PRDM16: variants seen among roughly 807,000 people sequenced by gnomAD.
PRDM16 encodes histone-lysine N-methyltransferase PRDM16.
In PRDM16, 23 loss-of-function variants were observed where a neutral mutation model predicts 110.6. That is an observed-to-expected ratio of 0.21 (90% CI 0.15 to 0.29). PRDM16 has a LOEUF of 0.29. PRDM16 is among the 10% of genes least tolerant of loss of function. The pLI is 1.00. For missense variants in PRDM16, 1,615 were observed against 1,794.3 expected (o/e 0.90, Z 1.81); for synonymous variants, 799 against 781.8 (o/e 1.02, Z -0.37).
chr1:3,234,993 G>C (rs1639506269), intron 2 of PRDM16, among the ~76,000 whole-genome samples: 1 of 152,222 alleles, frequency 6.6e-6, no homozygotes, highest in Non-Finnish European at 1.5e-5. Flanking sequence ...TGAGTGGGTT[G>C]GGTCAAGGTC....
intron 2 of PRDM16, among the ~76,000 whole-genome samples, chr1:3,229,552 C>T (rs913010735): frequency 6.6e-6 from 1 of 152,240 alleles, no homozygotes; most frequent in Non-Finnish European, 1.5e-5. Context: ...TCAGGGCCTC[C>T]AAGCCACAGG....
At chr1:3,426,510 G>A (rs960361497) in intron 14 of PRDM16, among the ~76,000 whole-genome samples, 6 of 152,126 alleles carry the variant, frequency 3.9e-5, no homozygotes, top group Non-Finnish European at 7.4e-5. Context: ...CCAGGTGACC[G>A]AGCCGGGCAC....
At chr1:3,377,377 G>A (rs981686390) in intron 3 of PRDM16, among the ~76,000 whole-genome samples, 2 of 152,220 alleles carry the variant, frequency 1.3e-5, no homozygotes, top group Admixed American at 6.5e-5. Flanking sequence ...CACCCTGGAC[G>A]GGGCCGGCGG....
intron 3 of PRDM16, among the ~76,000 whole-genome samples, chr1:3,335,116 C>G (rs985605445): frequency 1.3e-5 from 2 of 152,178 alleles, no homozygotes; most frequent in East Asian, 3.9e-4. Context: ...TGAGAGAACT[C>G]GCTTCAAGGC....
chr1:3,287,165 T>G (rs900578036), intron 3 of PRDM16, among the ~76,000 whole-genome samples: 3 of 152,200 alleles, frequency 2.0e-5, no homozygotes, highest in Non-Finnish European at 4.4e-5. Context: ...CCTGGACGCT[T>G]GATGTTGAAA....
chr1:3,421,517 T>C (rs1239326659), intron 12 of PRDM16, among the ~76,000 whole-genome samples: 1 of 152,192 alleles, frequency 6.6e-6, no homozygotes, highest in Non-Finnish European at 1.5e-5. Flanking sequence ...AGAACTCTGC[T>C]CCCTCGCAGC....
At chr1:3,396,869 T>C (rs574250536) in intron 5 of PRDM16, among the ~76,000 whole-genome samples, 3 of 152,250 alleles carry the variant, frequency 2.0e-5, no homozygotes, top group Non-Finnish European at 4.4e-5. Context: ...CTTCGGGCAG[T>C]GGGCAAACTG....
chr1:3,388,785 A>C (rs138421544), intron 4 of PRDM16, among the ~76,000 whole-genome samples: 142 of 152,308 alleles, frequency 9.3e-4, no homozygotes, highest in Middle Eastern at 3.4e-3. Context: ...CTTTAGGGGC[A>C]CTTTGGAGGC....
At chr1:3,110,874 G>A (rs1424491868) in intron 1 of PRDM16, among the ~76,000 whole-genome samples, 1 of 152,176 alleles carries the variant, frequency 6.6e-6, no homozygotes, top group Admixed American at 6.5e-5. Flanking sequence ...CTTGGGATAA[G>A]AACAGTTGCC....
At chr1:3,333,761 C>T (rs1055455213) in intron 3 of PRDM16, among the ~76,000 whole-genome samples, 6 of 152,160 alleles carry the variant, frequency 3.9e-5, no homozygotes, top group Admixed American at 3.3e-4. Flanking sequence ...GAAGGTTTGG[C>T]TCCATCCCCT....
At chr1:3,393,850 G>A (rs1336772004) in intron 4 of PRDM16, among the ~76,000 whole-genome samples, 1 of 151,452 alleles carries the variant, frequency 6.6e-6, no homozygotes, top group African/African-American at 2.4e-5. Context: ...GGGGACCCCC[G>A]CCCCCGCCCC....
chr1:3,096,736 G>A (rs1259147132), intron 1 of PRDM16, among the ~76,000 whole-genome samples: 1 of 152,170 alleles, frequency 6.6e-6, no homozygotes, highest in Non-Finnish European at 1.5e-5. Context: ...TGGATGGTGA[G>A]TGGGCCCTCT....
In PRDM16 at chr1:3,396,577, G is replaced by A. The variant is rs1407612029; in HGVS notation, c.660G>A (p.Val220=). Residue 220 remains valine, a synonymous_variant, in exon 5 of 17, where the codon GTG becomes GTA. Coordinates refer to ENST00000270722, the MANE Select transcript of PRDM16 (RefSeq NM_022114.4). ...VKEGVYPLGT[V]PPGLDEEPTF... is the part of the protein sequence containing the mutation. ...AAGGCGTCTACCCCCTGGGCACAGT[G>A]CCGCCCGGCCTGGACGGTAAGACCC... The A allele has an allele frequency of 6.3e-7, 1 of 1,588,854 alleles. No homozygotes were observed. Among genetic ancestry groups the A allele is most frequent in the Admixed American group, 1.7e-5 (1 of 57,518 alleles).
chr1:3,248,931 T>C (rs912877074), intron 3 of PRDM16, among the ~76,000 whole-genome samples: 1 of 152,190 alleles, frequency 6.6e-6, no homozygotes, highest in Non-Finnish European at 1.5e-5. Flanking sequence ...GGATGGCTGC[T>C]GAGCCCAGGA....
rs114611639 is a variant in PRDM16, at chr1:3,178,879, C to G, written c.38-7246C>G. On this transcript the variant is annotated intron_variant, in intron 1 of 16. Coordinates refer to ENST00000270722, the MANE Select transcript of PRDM16 (RefSeq NM_022114.4). ...GCAGGGGCTGCTGGCGGGGACTCCA[C>G]TCAGACTCCTGAGCCACAGGGGCTG... 4.9e-3 allele frequency among the ~76,000 whole-genome samples: 744 copies of G among 152,306 alleles called. 14 individuals carry two copies. Among genetic ancestry groups the G allele is most frequent in the African/African-American group, 0.017 (719 of 41,588 alleles).
chr1:3,254,056 GTT>G (rs1307712666), intron 3 of PRDM16, among the ~76,000 whole-genome samples: 1 of 151,800 alleles, frequency 6.6e-6, no homozygotes, highest in Admixed American at 6.6e-5. Context: ...TGATGGGGTT[GTT>G]TTTTTTCTTG....
chr1:3,436,806 T>C lies in PRDM16; in HGVS notation c.*2995T>C. On this transcript the variant is annotated 3_prime_UTR_variant, in exon 17 of 17. Transcript: ENST00000270722. Reference sequence around the variant, plus strand: ...GCGACGGGGCAGCTGGCTGTGTCCATGGCCAGGTGGCCAGGGTCAGGGCTG... The same window carrying C: ...GCGACGGGGCAGCTGGCTGTGTCCACGGCCAGGTGGCCAGGGTCAGGGCTG... 2 of 233,290 alleles carry C rather than the reference T, an allele frequency of 8.6e-6. No individual in the cohort carries two copies. The highest frequency in any genetic ancestry group is 1.7e-5 in the Non-Finnish European group (2 of 118,064). 14.5% of individuals were successfully genotyped at this position (233,290 alleles called of 1,614,324 possible). A position where few individuals can be genotyped will look rare whatever the true frequency, so the allele number is the denominator to read the frequency against.
At chr1:3,376,049 G>A (rs1283103417) in intron 3 of PRDM16, among the ~76,000 whole-genome samples, 2 of 152,184 alleles carry the variant, frequency 1.3e-5, no homozygotes, top group East Asian at 1.9e-4. Flanking sequence ...TGGGGGAGAT[G>A]GTCAGTGCAC....
In PRDM16 at chr1:3,181,460, A is replaced by G. The variant is rs1238566215; in HGVS notation, c.38-4665A>G. On this transcript the variant is annotated intron_variant, in intron 1 of 16. Transcript: ENST00000270722. ...CAAGCAGTCTTACACGGTCTTACACACGGTCTTACACACGCAGTCTTACAC... is the reference window on the plus strand; with the variant it reads ...CAAGCAGTCTTACACGGTCTTACACGCGGTCTTACACACGCAGTCTTACAC... 1.7e-4 allele frequency among the ~76,000 whole-genome samples: 7 copies of G among 42,024 alleles called. 2 individuals carry two copies. The highest frequency in any genetic ancestry group is 2.6e-4 in the African/African-American group (5 of 19,222). The allele number at this position is 42,024 out of a possible 152,430, so 27.6% of individuals were successfully genotyped here. A position where few individuals can be genotyped will look rare whatever the true frequency, so the allele number is the denominator to read the frequency against.
Sources: gnomAD v4.1 joint callset for allele counts (sites outside exome capture counted in the v4.1 genomes callset) on GRCh38, gnomAD v4.1.1 for gene constraint, MANE v1.5 for transcripts, NCBI Gene and HGNC (gene_info 2026-07-23, HGNC 2026-07-21) for gene names.